The following ASB14 variants were observed in gnomAD, a reference collection of about 807,000 sequenced individuals.
ASB14 encodes ankyrin repeat and SOCS box protein 14.
ASB14 carries 63 observed loss-of-function variants against 55.6 expected under a neutral mutation model. That is an observed-to-expected ratio of 1.13 (90% CI 0.92 to 1.40). The LOEUF is 1.40. Ranked by LOEUF, ASB14 falls within the 40% of genes most tolerant of loss-of-function variation. ASB14 has a pLI of 0.00. For missense variants in ASB14, 724 were observed against 710.4 expected (o/e 1.02, Z -0.22); for synonymous variants, 256 against 259.9 (o/e 0.98, Z 0.15).
chr3:57,284,172 G>T (rs1328287170), intron 5 of ASB14, among the ~76,000 whole-genome samples: 1 of 143,784 alleles, frequency 7.0e-6, no homozygotes, highest in African/African-American at 2.6e-5. Flanking sequence ...TGTCATCCAG[G>T]CTGAAGTGCA....
Position 57,268,403 on chromosome 3 carries a change from T to C in ASB14, c.*1238A>G, listed in dbSNP as rs775676635. 38 of 1,574,362 alleles carry C rather than the reference T, an allele frequency of 2.4e-5. No homozygotes were observed. The highest frequency in any genetic ancestry group is 3.0e-5 in the Non-Finnish European group (35 of 1,152,026). The stretch of plus-strand genomic sequence containing the variant: ...TTTATTCATCTGTTCTTTAGGATCG[T>C]AGGGCATCAGAAAAACAAAAAGAAA... On this transcript the variant is annotated 3_prime_UTR_variant, in exon 11 of 11. Transcript: ENST00000487349.
intron 10 of ASB14, among the ~76,000 whole-genome samples, chr3:57,274,743 CG>C (rs1447928996): frequency 6.6e-6 from 1 of 152,078 alleles, no homozygotes; most frequent in African/African-American, 2.4e-5. Flanking sequence ...AAAAATTTAA[CG>C]TAACTGCCAT....
intron 6 of ASB14, among the ~76,000 whole-genome samples, chr3:57,280,866 A>G (rs145296630): frequency 1.3e-5 from 2 of 152,336 alleles, no homozygotes; most frequent in East Asian, 3.9e-4. Flanking sequence ...ATGCCATCTA[A>G]TGATACTGTT....
At chr3:57,274,627 CA>C (rs2060972152) in intron 10 of ASB14, among the ~76,000 whole-genome samples, 1 of 152,170 alleles carries the variant, frequency 6.6e-6, no homozygotes, top group Admixed American at 6.5e-5. Flanking sequence ...GCAGAGGTTG[CA>C]GTGAGCTGAG....
chr3:57,277,468 A>G (rs570127325), intron 9 of ASB14, among the ~76,000 whole-genome samples: 2 of 152,150 alleles, frequency 1.3e-5, no homozygotes. Flanking sequence ...TTTTATTGCC[A>G]TATGATATTA....
intron 5 of ASB14, among the ~76,000 whole-genome samples, chr3:57,285,515 G>A (rs748368706): frequency 1.4e-4 from 22 of 151,950 alleles, no homozygotes; most frequent in Admixed American, 5.2e-4. Context: ...CACATTTCTC[G>A]TCCCACCATC....
chr3:57,288,708 CTTTTTTT>C (rs747854434), intron 3 of ASB14, among the ~76,000 whole-genome samples: 4 of 102,382 alleles, frequency 3.9e-5, no homozygotes, highest in Admixed American at 1.4e-4. Context: ...CATATCTTTC[CTTTTTTT>C]TTTTTTTTTT....
In ASB14 at chr3:57,269,554, A is replaced by T; in HGVS notation, c.*87T>A. ...CTTTTCCACTAGGACTTGGAAGAAC[A>T]AAGTCGGTTGATAGCTGCTTCCAGT... is the stretch of plus-strand genomic sequence containing the variant. On this transcript the variant is annotated 3_prime_UTR_variant, in exon 11 of 11. Transcript: ENST00000487349. 1.2e-6 allele frequency: 2 copies of T among 1,613,860 alleles called. No individual in the cohort carries two copies. The highest frequency in any genetic ancestry group is 8.5e-7 in the Non-Finnish European group (1 of 1,179,934).
intron 5 of ASB14, among the ~76,000 whole-genome samples, chr3:57,287,464 C>T (rs1046556341): frequency 6.6e-6 from 1 of 152,164 alleles, no homozygotes; most frequent in Non-Finnish European, 1.5e-5. Flanking sequence ...ACCTAAAATT[C>T]CGTGGTCCAG....
At position 57,278,990 on chromosome 3, in the gene ASB14, T is replaced by A. The variant is rs762777547; in HGVS notation, c.888-70A>T. ...GTAGCACTAACTTGTTTATTATTGT[T>A]TTATAGCAATACTAGATAGTATCAG... On this transcript the variant is annotated intron_variant, in intron 7 of 10. Coordinates refer to ENST00000487349, the MANE Select transcript of ASB14 (RefSeq NM_001142733.3). 2.1e-6 allele frequency: 3 copies of A among 1,441,892 alleles called. No individual in the cohort carries two copies. In the South Asian group the frequency reaches 3.8e-5, roughly 18 times the overall value. 89.3% of individuals were successfully genotyped at this position (1,441,892 alleles called of 1,614,324 possible). A position where few individuals can be genotyped will look rare whatever the true frequency, so the allele number is the denominator to read the frequency against.
chr3:57,285,923 T>C (rs2061077502), intron 5 of ASB14, among the ~76,000 whole-genome samples: 1 of 152,220 alleles, frequency 6.6e-6, no homozygotes, highest in Non-Finnish European at 1.5e-5. Context: ...ACTTTTGTTT[T>C]TCTGCTTTAC....
At chr3:57,285,193 G>GGCCTCC (rs2107627116) in intron 5 of ASB14, among the ~76,000 whole-genome samples, 1 of 152,032 alleles carries the variant, frequency 6.6e-6, no homozygotes, top group Admixed American at 6.6e-5. Flanking sequence ...GGCCGGCCTC[G>GGCCTCC]GCCTCCCAAA....
At chr3:57,283,842 AAAAAC>A (rs555181855) in intron 5 of ASB14, among the ~76,000 whole-genome samples, 1 of 152,070 alleles carries the variant, frequency 6.6e-6, no homozygotes, top group Non-Finnish European at 1.5e-5. Context: ...AAATTAAAAA[AAAAAC>A]AAAAACAAAA....
intron 9 of ASB14, 119 bp downstream of exon 9, chr3:57,277,648 T>A: frequency 1.1e-6 from 1 of 873,096 alleles, no homozygotes; most frequent in Non-Finnish European, 1.8e-6. Flanking sequence ...AGGAATAGTA[T>A]TTTTCTGGTT....
At chr3:57,281,883 G>A (rs2061043403) in intron 6 of ASB14, among the ~76,000 whole-genome samples, 1 of 152,118 alleles carries the variant, frequency 6.6e-6, no homozygotes, top group South Asian at 2.1e-4. Context: ...TTGAAATACT[G>A]GCTCTGTGAT....
intron 10 of ASB14, chr3:57,272,299 A>G (rs2060947545): frequency 6.6e-6 from 1 of 152,158 alleles, no homozygotes. Flanking sequence ...GATTAAAGCT[A>G]TTATCTTGAA....
intron 8 of ASB14, 85 bp from the exon 9 acceptor site, chr3:57,278,005 G>A (rs2061004191): frequency 7.9e-7 from 1 of 1,271,432 alleles, no homozygotes; most frequent in African/African-American, 1.5e-5. Context: ...AGGAGATGTG[G>A]TGTGATGAAA....
chr3:57,277,924 A>G lies in ASB14; in HGVS notation c.1432-4T>C. On this transcript the variant is annotated splice_polypyrimidine_tract_variant and splice_region_variant and intron_variant, in intron 8 of 10. Transcript: ENST00000487349. Reference sequence around the variant, plus strand: ...ACAAAGTTATTACTTCACAGAACTGAGGGAAACAAAATCAGAATTAGGAAA... The same window carrying G: ...ACAAAGTTATTACTTCACAGAACTGGGGGAAACAAAATCAGAATTAGGAAA... 1 of 1,607,938 alleles carries G rather than the reference A, an allele frequency of 6.2e-7. No homozygotes were observed. The highest frequency in any genetic ancestry group is 8.5e-7 in the Non-Finnish European group (1 of 1,177,718).
In ASB14 at chr3:57,289,171, A is replaced by G. The variant is rs1292505220; in HGVS notation, c.123-48T>C. ...GTAATTCCAAAACTGAGGAGAAAAAACTGTTATCTGATATAAATCAAAAGG... is the reference window on the plus strand; with the variant it reads ...GTAATTCCAAAACTGAGGAGAAAAAGCTGTTATCTGATATAAATCAAAAGG... On this transcript the variant is annotated intron_variant, in intron 2 of 10. Transcript: ENST00000487349. 4 of 1,262,974 alleles carry G rather than the reference A, an allele frequency of 3.2e-6. No individual in the cohort carries two copies. In the Admixed American group the frequency reaches 6.0e-5, roughly 19 times the overall value. The allele number at this position is 1,262,974 out of a possible 1,614,324, so 78.2% of individuals were successfully genotyped here. A position where few individuals can be genotyped will look rare whatever the true frequency, so the allele number is the denominator to read the frequency against.
Sources: allele counts gnomAD v4.1 joint callset (sites outside exome capture counted in the v4.1 genomes callset), GRCh38; gene constraint gnomAD v4.1.1; transcripts MANE v1.5; gene names NCBI Gene and HGNC (gene_info 2026-07-23, HGNC 2026-07-21).